MEIKIN: variants seen among roughly 807,000 people sequenced by gnomAD.
The protein encoded by MEIKIN is meiotic kinetochore factor, also known as meiosis-specific kinetochore protein.
intron 8 of MEIKIN, among the ~76,000 whole-genome samples, chr5:131,893,082 T>C (rs986262569): frequency 6.6e-6 from 1 of 152,222 alleles, no homozygotes; most frequent in Non-Finnish European, 1.5e-5. Flanking sequence ...GGAAGTTTTA[T>C]CTCAGAGGAG....
intron 7 of MEIKIN, among the ~76,000 whole-genome samples, chr5:131,915,951 C>T (rs1751409923): frequency 6.6e-6 from 1 of 152,136 alleles, no homozygotes; most frequent in South Asian, 2.1e-4. Context: ...CATTTCAATA[C>T]ATAGGCAACA....
At chr5:131,811,773 A>AT (rs1772961586) in intron 12 of MEIKIN, among the ~76,000 whole-genome samples, 1 of 151,950 alleles carries the variant, frequency 6.6e-6, no homozygotes, top group African/African-American at 2.4e-5. Context: ...CGCCCAGCTA[A>AT]TTTTTTGTAG....
At chr5:131,900,721 G>A (rs952690815) in intron 8 of MEIKIN, among the ~76,000 whole-genome samples, 4 of 152,138 alleles carry the variant, frequency 2.6e-5, no homozygotes, top group Admixed American at 6.5e-5. Context: ...CTATCCTGGG[G>A]ATCCAGCCTG....
chr5:131,938,269 C>T (rs913724231), intron 4 of MEIKIN, among the ~76,000 whole-genome samples: 9 of 149,410 alleles, frequency 6.0e-5, no homozygotes, highest in African/African-American at 2.2e-4. Context: ...CAGGTTCAAG[C>T]AATTCTCCTG....
At chr5:131,861,918 T>C (rs1750291840) in intron 9 of MEIKIN, among the ~76,000 whole-genome samples, 1 of 152,194 alleles carries the variant, frequency 6.6e-6, no homozygotes, top group Non-Finnish European at 1.5e-5. Context: ...TTGCTGTTGT[T>C]GTTGTGTCCT....
intron 8 of MEIKIN, among the ~76,000 whole-genome samples, chr5:131,892,715 C>T (rs576637340): frequency 1.3e-5 from 2 of 152,338 alleles, no homozygotes; most frequent in African/African-American, 2.4e-5. Flanking sequence ...TCTCTCAACT[C>T]GTCAAAGTCA....
intron 8 of MEIKIN, among the ~76,000 whole-genome samples, chr5:131,887,394 T>C (rs1750818062): frequency 6.6e-6 from 1 of 152,228 alleles, no homozygotes; most frequent in Non-Finnish European, 1.5e-5. Flanking sequence ...TTTCTAGTTC[T>C]AGAACTTTGA....
chr5:131,815,460 T>C (rs926932468), intron 12 of MEIKIN, among the ~76,000 whole-genome samples: 3 of 152,176 alleles, frequency 2.0e-5, no homozygotes, highest in African/African-American at 7.2e-5. Flanking sequence ...ACTAGCAAAA[T>C]TTATTCTTCC....
intron 5 of MEIKIN, among the ~76,000 whole-genome samples, chr5:131,927,297 G>T (rs150619287): frequency 1.7e-3 from 259 of 152,162 alleles, no homozygotes; most frequent in Non-Finnish European, 2.9e-3. Context: ...TTCTGCTACT[G>T]ATTTCTAGTT....
At chr5:131,816,741 G>A (rs1242245531) in intron 12 of MEIKIN, among the ~76,000 whole-genome samples, 1 of 152,138 alleles carries the variant, frequency 6.6e-6, no homozygotes. Context: ...CCACTATGCT[G>A]ATGTTATCAG....
chr5:131,912,507 C>T (rs1253909465), intron 7 of MEIKIN, among the ~76,000 whole-genome samples: 1 of 151,912 alleles, frequency 6.6e-6, no homozygotes, highest in Non-Finnish European at 1.5e-5. Flanking sequence ...AAAGCTCAGC[C>T]TCTGACCACA....
chr5:131,814,625 G>C (rs1447474026), intron 12 of MEIKIN, among the ~76,000 whole-genome samples: 1 of 152,166 alleles, frequency 6.6e-6, no homozygotes, highest in Non-Finnish European at 1.5e-5. Context: ...GAAAAGAAAA[G>C]AAGGATGTAT....
intron 4 of MEIKIN, among the ~76,000 whole-genome samples, chr5:131,939,430 T>C (rs1314006602): frequency 2.0e-5 from 3 of 152,076 alleles, no homozygotes; most frequent in South Asian, 4.1e-4. Context: ...CCTTCCACAT[T>C]CCAAACTTTC....
At chr5:131,875,903 G>T (rs183656175) in intron 9 of MEIKIN, among the ~76,000 whole-genome samples, 1 of 151,978 alleles carries the variant, frequency 6.6e-6, no homozygotes, top group Non-Finnish European at 1.5e-5. Flanking sequence ...GAAAGGATTC[G>T]CTATTTAATA....
chr5:131,813,797 G>A (rs1773049547), intron 12 of MEIKIN, among the ~76,000 whole-genome samples: 2 of 152,058 alleles, frequency 1.3e-5, no homozygotes, highest in South Asian at 4.2e-4. Context: ...AAAGAACATT[G>A]TATTAGTCAG....
intron 8 of MEIKIN, among the ~76,000 whole-genome samples, chr5:131,910,446 G>C (rs1005666360): frequency 1.3e-5 from 2 of 151,894 alleles, no homozygotes; most frequent in Non-Finnish European, 2.9e-5. Flanking sequence ...GAGGGGGAGT[G>C]GTTTGTAGGG....
At chr5:131,941,803 T>G (rs1751873970) in intron 4 of MEIKIN, among the ~76,000 whole-genome samples, 1 of 152,228 alleles carries the variant, frequency 6.6e-6, no homozygotes, top group Admixed American at 6.5e-5. Flanking sequence ...AGTTTTTCTT[T>G]CAGTGAATGA....
intron 11 of MEIKIN, among the ~76,000 whole-genome samples, chr5:131,830,045 G>A (rs11954609): frequency 0.64 from 96,780 of 152,068 alleles, 32,835 homozygotes; most frequent in Non-Finnish European, 0.77. Flanking sequence ...ACACAAAAAA[G>A]TGGTCACAGT....
chr5:131,821,981 T>G (rs1176810572), intron 11 of MEIKIN, among the ~76,000 whole-genome samples: 1 of 152,178 alleles, frequency 6.6e-6, no homozygotes, highest in African/African-American at 2.4e-5. Flanking sequence ...CAGTGTTAGG[T>G]GCACATGTAT....
Sources: allele counts gnomAD v4.1 joint callset (sites outside exome capture counted in the v4.1 genomes callset), GRCh38; gene constraint gnomAD v4.1.1; transcripts MANE v1.5; gene names NCBI Gene and HGNC (gene_info 2026-07-23, HGNC 2026-07-21).